AMDHD1: variants seen among roughly 807,000 people sequenced by gnomAD.
The protein encoded by AMDHD1 is probable imidazolonepropionase.
AMDHD1 carries 45 observed loss-of-function variants against 44.1 expected under a neutral mutation model. The ratio of observed to expected loss-of-function variants is 1.02; its 90% CI spans 0.80 to 1.31. AMDHD1 has a LOEUF of 1.31. Among genes scored for constraint, AMDHD1 ranks in the 50% most tolerant of loss-of-function variants. The pLI is 0.00. For synonymous variants in AMDHD1, 206 were observed against 205.0 expected, an observed-to-expected ratio of 1.00 and a Z score of -0.04; for missense variants, 586 against 552.1, an observed-to-expected ratio of 1.06 and a Z score of -0.61.
chr12:95,962,468 C>CTGT lies in AMDHD1; in HGVS notation c.928_929insGTT (p.Ala309_Tyr310insCys). ...CTGCCATCCTTCTGCCCACCACAGC[C>CTGT]TACATGCTGAGGTAAGGTCGTTTCT... On this transcript the variant is annotated inframe_insertion, in exon 6 of 9. Coordinates refer to ENST00000266736, the MANE Select transcript of AMDHD1 (RefSeq NM_152435.3). The CTGT allele has an allele frequency of 6.2e-7, 1 of 1,607,508 alleles. No individual in the cohort carries two copies. The highest frequency in any genetic ancestry group is 8.5e-7 in the Non-Finnish European group (1 of 1,178,158).
At chr12:95,949,160 G>GAAAAAAAAAAAAAAAAAAAAA (rs1358481972) in intron 1 of AMDHD1, among the ~76,000 whole-genome samples, 10 of 101,772 alleles carry the variant, frequency 9.8e-5, no homozygotes, top group Non-Finnish European at 1.6e-4. Context: ...AAAAAAAAAA[G>GAAAAAAAAAAAAAAAAAAAAA]AAAAAAAAAA....
chr12:95,949,284 T>C (rs1412340109), intron 1 of AMDHD1, among the ~76,000 whole-genome samples: 1 of 152,028 alleles, frequency 6.6e-6, no homozygotes, highest in Admixed American at 6.6e-5. Flanking sequence ...ACTGAGACAG[T>C]GTATGTGCCA....
chr12:95,961,540 A>G (rs1191841764), intron 5 of AMDHD1, among the ~76,000 whole-genome samples: 2 of 152,200 alleles, frequency 1.3e-5, no homozygotes, highest in East Asian at 1.9e-4. Flanking sequence ...ATACAGACAT[A>G]GATACCCCAC....
At chr12:95,965,479 A>G (rs4762258) in intron 6 of AMDHD1, among the ~76,000 whole-genome samples, 72,566 of 152,084 alleles carry the variant, frequency 0.48, 18,404 homozygotes, top group African/African-American at 0.64. Flanking sequence ...TGTTAGTCAT[A>G]TCTAAGTAAC....
At chr12:95,954,373 C>G (rs906130133) in intron 2 of AMDHD1, among the ~76,000 whole-genome samples, 1 of 151,858 alleles carries the variant, frequency 6.6e-6, no homozygotes, top group Non-Finnish European at 1.5e-5. Flanking sequence ...GCAGGCAGAT[C>G]GTTTAAGCCC....
chr12:95,950,167 C>T (rs2080519968), intron 1 of AMDHD1, among the ~76,000 whole-genome samples: 1 of 152,222 alleles, frequency 6.6e-6, no homozygotes, highest in African/African-American at 2.4e-5. Flanking sequence ...ACCAGATTCA[C>T]TGCACACTGG....
chr12:95,967,994 A>G lies in AMDHD1; in HGVS notation c.*151A>G. The G allele has an allele frequency of 1.8e-6, 1 of 557,546 alleles. No individual in the cohort carries two copies. Among genetic ancestry groups the G allele is most frequent in the Non-Finnish European group, 3.1e-6 (1 of 322,640 alleles). The allele number at this position is 557,546 out of a possible 1,614,324, so 34.5% of individuals were successfully genotyped here. On this transcript the variant is annotated 3_prime_UTR_variant, in exon 9 of 9. Transcript: ENST00000266736. ...TTAAGTCACTCAAAAAACCCAAGGG[A>G]TAGATTTATTTTCATTTAACACATG...
chr12:95,959,304 G>A (rs750269841), intron 4 of AMDHD1, among the ~76,000 whole-genome samples: 10 of 152,172 alleles, frequency 6.6e-5, no homozygotes, highest in Non-Finnish European at 1.3e-4. Flanking sequence ...CATCTCCTAA[G>A]TTACGTGGCC....
chr12:95,948,273 C>T (rs2080509356), intron 1 of AMDHD1, among the ~76,000 whole-genome samples: 1 of 124,184 alleles, frequency 8.1e-6, no homozygotes, highest in South Asian at 2.7e-4. Flanking sequence ...GGGGTGTCAG[C>T]CCCACGCCCG....
intron 6 of AMDHD1, among the ~76,000 whole-genome samples, chr12:95,965,352 G>A (rs970228782): frequency 6.7e-6 from 1 of 148,420 alleles, no homozygotes; most frequent in Non-Finnish European, 1.5e-5. Context: ...TATTTAATTT[G>A]GGAGTCACCA....
At chr12:95,962,615 A>T in intron 6 of AMDHD1, 136 bp downstream of exon 6, 1 of 1,136,434 alleles carries the variant, frequency 8.8e-7, no homozygotes, top group South Asian at 1.9e-5. Flanking sequence ...TCAGCTAATG[A>T]AGATGCCAAC....
At chr12:95,956,108 G>GTTTTGT (rs200109622) in intron 3 of AMDHD1, among the ~76,000 whole-genome samples, 2 of 78,514 alleles carry the variant, frequency 2.5e-5, no homozygotes, top group East Asian at 6.0e-4. Flanking sequence ...GTTTTGTTTT[G>GTTTTGT]TTTGTTTGTT....
chr12:95,945,037 G>C (rs7487498), intron 1 of AMDHD1, among the ~76,000 whole-genome samples: 65,539 of 151,442 alleles, frequency 0.43, 15,845 homozygotes, highest in African/African-American at 0.64. Context: ...GGGAGGCTGA[G>C]GCAGGAGAAT....
At chr12:95,955,624 A>G (rs1364688135) in intron 3 of AMDHD1, among the ~76,000 whole-genome samples, 1 of 152,252 alleles carries the variant, frequency 6.6e-6, no homozygotes, top group East Asian at 1.9e-4. Context: ...AAAGCAGTCC[A>G]ATCCTCTCAT....
chr12:95,956,475 A>C (rs1055848507), intron 3 of AMDHD1, among the ~76,000 whole-genome samples: 4 of 152,128 alleles, frequency 2.6e-5, no homozygotes, highest in African/African-American at 7.2e-5. Context: ...GTCTCTTCCC[A>C]AGACCCCTTC....
At chr12:95,959,207 G>A (rs2080567579) in intron 4 of AMDHD1, among the ~76,000 whole-genome samples, 2 of 152,184 alleles carry the variant, frequency 1.3e-5, no homozygotes, top group South Asian at 2.1e-4. Context: ...AAGTTTCACA[G>A]AAATTTTCTC....
chr12:95,966,435 C>G lies in AMDHD1; in HGVS notation c.1120C>G (p.Leu374Val), dbSNP rs1157987641. ...AAATINAAYA[L>V]GKSHTHGSLE... ...TGCCACCATCAATGCAGCTTATGCA[C>G]TGGGAAAGTCTCACACACACGGATC... Residue 374 changes from leucine (L) to valine (V), a missense_variant, in exon 8 of 9, where the codon CTG becomes GTG. Transcript: ENST00000266736. 6.2e-7 allele frequency: 1 copy of G among 1,614,262 alleles called. No individual in the cohort carries two copies. Among genetic ancestry groups the G allele is most frequent in the South Asian group, 1.1e-5 (1 of 91,092 alleles).
At chr12:95,961,784 A>G (rs1442161137) in intron 5 of AMDHD1, among the ~76,000 whole-genome samples, 1 of 152,242 alleles carries the variant, frequency 6.6e-6, no homozygotes, top group Non-Finnish European at 1.5e-5. Context: ...TCTGATCCAT[A>G]AGATTCATAA....
chr12:95,960,739 G>A, intron 5 of AMDHD1, 116 bp downstream of exon 5: 2 of 1,100,462 alleles, frequency 1.8e-6, no homozygotes, highest in Non-Finnish European at 2.6e-6. Flanking sequence ...GGGGAAATTT[G>A]TTTGAACAAT....
Sources: gnomAD v4.1 joint callset for allele counts (sites outside exome capture counted in the v4.1 genomes callset) on GRCh38, gnomAD v4.1.1 for gene constraint, MANE v1.5 for transcripts, NCBI Gene and HGNC (gene_info 2026-07-23, HGNC 2026-07-21) for gene names.